The following TCTN2 variants were observed in gnomAD, a reference collection of about 807,000 sequenced individuals.
The protein encoded by TCTN2 is tectonic-2.
Under a neutral mutation model 83.4 loss-of-function variants are expected in TCTN2, and 66 were observed. The observed-to-expected ratio is 0.79, with a 90% CI of 0.65 to 0.97. TCTN2 has a LOEUF of 0.97. TCTN2 is among the 50% of genes least tolerant of loss of function. The pLI is 0.00. For synonymous variants in TCTN2, 301 were observed against 326.7 expected (o/e 0.92, Z 0.85); for missense variants, 794 against 858.1 (o/e 0.93, Z 0.93).
At chr12:123,707,553 A>G (rs1555294568) in intron 17 of TCTN2, 51 bp from the exon 18 acceptor site, 2 of 1,540,460 alleles carry the variant, frequency 1.3e-6, no homozygotes, top group Non-Finnish European at 1.8e-6. Context: ...CTACACTGTT[A>G]TCAAAAGAGT....
intron 12 of TCTN2, 89 bp from the exon 13 acceptor site, chr12:123,696,998 A>T: frequency 9.6e-7 from 1 of 1,039,562 alleles, no homozygotes; most frequent in Non-Finnish European, 1.5e-6. Context: ...ATTTCTACTT[A>T]CTGTTTTCTG....
In TCTN2 at chr12:123,704,517, T is replaced by A; in HGVS notation, c.1613-15T>A. On this transcript the variant is annotated splice_polypyrimidine_tract_variant and intron_variant, in intron 14 of 17. Transcript: ENST00000303372. ...AATTATTCTTTGAAAAGTGTATAAC[T>A]TAACATTTCTATAGGTGTAGATGCC... 1 of 1,601,994 alleles carries A rather than the reference T, an allele frequency of 6.2e-7. No homozygotes were observed.
intron 4 of TCTN2, among the ~76,000 whole-genome samples, chr12:123,678,861 G>A (rs1432362810): frequency 6.6e-6 from 1 of 151,312 alleles, no homozygotes; most frequent in Non-Finnish European, 1.5e-5. Context: ...ATAGTGGCAC[G>A]ATCTCGGCTC....
At chr12:123,706,205 A>G (rs1264157705) in intron 15 of TCTN2, among the ~76,000 whole-genome samples, 1 of 152,132 alleles carries the variant, frequency 6.6e-6, no homozygotes, top group African/African-American at 2.4e-5. Flanking sequence ...ATTAGGGCCA[A>G]TTCCTTCTGC....
intron 5 of TCTN2, 105 bp downstream of exon 5, chr12:123,679,394 C>A: frequency 1.9e-6 from 2 of 1,044,416 alleles, no homozygotes; most frequent in Non-Finnish European, 3.0e-6. Flanking sequence ...TAGGGTCTTG[C>A]TCTGTCACCC....
chr12:123,697,242 G>A (rs765028352), intron 13 of TCTN2, 44 bp downstream of exon 13: 1 of 1,387,718 alleles, frequency 7.2e-7, no homozygotes, highest in Admixed American at 1.7e-5. Context: ...TGAATGGTTT[G>A]CCTAGAATTA....
At position 123,679,252 on chromosome 12, in the gene TCTN2, C is replaced by CAGCTGTT; in HGVS notation, c.532_533insTTAGCTG (p.Gly178ValfsTer6). On this transcript the variant is annotated frameshift_variant, in exon 5 of 18. Coordinates refer to ENST00000303372, the MANE Select transcript of TCTN2 (RefSeq NM_024809.5). LOFTEE classifies it high-confidence loss of function. ...CTTGGCCCTTGTCCTTGTAATTTAACAGCTGGAGCCTGTGATGTTCGCTGC... is the reference window on the plus strand; with the variant it reads ...CTTGGCCCTTGTCCTTGTAATTTAACAGCTGTTAGCTGGAGCCTGTGATGTTCGCTGC... 1 of 1,614,094 alleles carries CAGCTGTT rather than the reference C, an allele frequency of 6.2e-7. No homozygotes were observed. Among genetic ancestry groups the CAGCTGTT allele is most frequent in the Non-Finnish European group, 8.5e-7 (1 of 1,179,964 alleles).
intron 13 of TCTN2, among the ~76,000 whole-genome samples, chr12:123,697,733 C>A (rs1204533855): frequency 6.6e-6 from 1 of 152,010 alleles, no homozygotes; most frequent in Admixed American, 6.6e-5. Context: ...CCTCAAGTGA[C>A]CTTGCCCACC....
Position 123,687,054 on chromosome 12 carries a change from G to C in TCTN2, c.764+19G>C. ...GTGCTGTGTAAGTGTCTGAGCAGCC[G>C]CCTGGGATGGGGCATTGTTCTCCCG... On this transcript the variant is annotated intron_variant, in intron 6 of 17. Transcript: ENST00000303372. 2 of 1,613,848 alleles carry C rather than the reference G, an allele frequency of 1.2e-6. No homozygotes were observed. Among genetic ancestry groups the C allele is most frequent in the Non-Finnish European group, 1.7e-6 (2 of 1,179,772 alleles).
At chr12:123,699,934 C>G in intron 14 of TCTN2, 124 bp downstream of exon 14, 1 of 789,450 alleles carries the variant, frequency 1.3e-6, no homozygotes, top group South Asian at 1.4e-5. Context: ...CTTAACTGGA[C>G]GTTTGCCCAG....
At chr12:123,694,745 C>T in intron 9 of TCTN2, 97 bp from the exon 10 acceptor site, 2 of 1,341,394 alleles carry the variant, frequency 1.5e-6, no homozygotes, top group Non-Finnish European at 2.1e-6. Flanking sequence ...AGGGGCAGGG[C>T]ACTTGGGGAA....
At chr12:123,671,965 G>A in intron 2 of TCTN2, 91 bp from the exon 3 acceptor site, 1 of 1,051,858 alleles carries the variant, frequency 9.5e-7, no homozygotes, top group Non-Finnish European at 1.5e-6. Context: ...ATCTTAGGCT[G>A]TAATGTGAGT....
In TCTN2 at chr12:123,696,438, C is replaced by T. The variant is rs757485757; in HGVS notation, c.1336C>T (p.Arg446Ter). 9 of 1,613,994 alleles carry T rather than the reference C, an allele frequency of 5.6e-6. No homozygotes were observed. Among genetic ancestry groups the T allele is most frequent in the African/African-American group, 4.0e-5 (3 of 74,926 alleles). ...NPGYQLGKPV[R>*]ALNINRMNNV... ...AGGTTACCAACTTGGCAAGCCTGTC[C>T]GAGCTCTAAATATCAACAGGATGAA... is the stretch of plus-strand genomic sequence containing the variant. The change falls in exon 12 of 18, where the codon CGA (arginine) becomes TGA (stop). Residue 446 changes from arginine (R) to a stop codon, truncating the protein, a stop_gained. Coordinates refer to ENST00000303372, the MANE Select transcript of TCTN2 (RefSeq NM_024809.5). LOFTEE classifies it high-confidence loss of function.
At position 123,690,662 on chromosome 12, in the gene TCTN2, G is replaced by A; in HGVS notation, c.1021G>A (p.Val341Ile). The A allele has an allele frequency of 1.2e-6, 2 of 1,614,094 alleles. No homozygotes were observed. The highest frequency in any genetic ancestry group is 1.3e-5 in the African/African-American group (1 of 75,028). ...TATTATCAATGCGAAGATAAAGAAT[G>A]TTGCCTTAGGAGGTATGTTACATTT... is the stretch of plus-strand genomic sequence containing the variant. ...DGIINAKIKN[V>I]ALGGIVTPKV... Residue 341 changes from valine (V) to isoleucine (I), a missense_variant, in exon 8 of 18, where the codon GTT (valine) becomes ATT (isoleucine). Coordinates refer to ENST00000303372, the MANE Select transcript of TCTN2 (RefSeq NM_024809.5).
Position 123,671,609 on chromosome 12 carries a change from A to G in TCTN2, c.185A>G (p.Glu62Gly), listed in dbSNP as rs376100033. ...GTGTCCCTGGCAGTGCTGCAGGACG[A>G]GGCGGGTAAAGTCCGGCCCTCTTTT... Reference protein sequence around the residue: ...VTVSLAVLQDEAGILPIPTCG... With the variant: ...VTVSLAVLQDGAGILPIPTCG... The change falls in exon 2 of 18, where the codon GAG (glutamate) becomes GGG (glycine). Residue 62 changes from glutamate to glycine, a missense_variant. By Grantham distance (98) the Glu-to-Gly change is moderately conservative. Coordinates refer to ENST00000303372, the MANE Select transcript of TCTN2 (RefSeq NM_024809.5). 1 of 1,611,812 alleles carries G rather than the reference A, an allele frequency of 6.2e-7. No homozygotes were observed. The highest frequency in any genetic ancestry group is 2.2e-5 in the East Asian group (1 of 44,870).
At chr12:123,685,404 GA>G (rs1196292965) in intron 5 of TCTN2, among the ~76,000 whole-genome samples, 1 of 152,162 alleles carries the variant, frequency 6.6e-6, no homozygotes, top group Non-Finnish European at 1.5e-5. Flanking sequence ...GAAAAATACA[GA>G]TGAATATCTG....
At chr12:123,705,108 G>A (rs967956708) in intron 15 of TCTN2, among the ~76,000 whole-genome samples, 4 of 150,324 alleles carry the variant, frequency 2.7e-5, no homozygotes, top group Non-Finnish European at 4.4e-5. Context: ...CTGAGCTGTA[G>A]TTTCCTCCTC....
Position 123,671,497 on chromosome 12 carries a change from T to C in TCTN2, c.83-10T>C, listed in dbSNP as rs1955750153. 1 of 1,613,836 alleles carries C rather than the reference T, an allele frequency of 6.2e-7. No homozygotes were observed. Among genetic ancestry groups the C allele is most frequent in the Non-Finnish European group, 8.5e-7 (1 of 1,179,794 alleles). On this transcript the variant is annotated splice_polypyrimidine_tract_variant and intron_variant, in intron 1 of 17. Transcript: ENST00000303372. ...CTAACCCCTCCTTGTCCCCTTTCCTTCCCGCCTAGCTTTCATCCCTCCTTT... is the reference window on the plus strand; with the variant it reads ...CTAACCCCTCCTTGTCCCCTTTCCTCCCCGCCTAGCTTTCATCCCTCCTTT...
intron 9 of TCTN2, among the ~76,000 whole-genome samples, chr12:123,694,340 G>T (rs1408154056): frequency 1.3e-5 from 2 of 152,226 alleles, no homozygotes; most frequent in Non-Finnish European, 2.9e-5. Flanking sequence ...TGCTGGCCAG[G>T]CTGGTCTCGA....
Sources: gnomAD v4.1 joint callset for allele counts (sites outside exome capture counted in the v4.1 genomes callset) on GRCh38, gnomAD v4.1.1 for gene constraint, MANE v1.5 for transcripts, NCBI Gene and HGNC (gene_info 2026-07-23, HGNC 2026-07-21) for gene names.